The following DOC2A variants were observed in gnomAD, a reference collection of about 807,000 sequenced individuals.
DOC2A encodes double C2 domain alpha, also known as double C2-like domain-containing protein alpha.
A neutral mutation model predicts 40.6 loss-of-function variants in DOC2A; 28 were observed. That is an observed-to-expected ratio of 0.69 (90% CI 0.51 to 0.95). The LOEUF is 0.95. Ranked by LOEUF, DOC2A falls within the 40% of genes least tolerant of loss-of-function variation. The pLI, the probability that DOC2A is intolerant of heterozygous loss-of-function variation, is 0.00. For missense variants in DOC2A, 474 were observed against 552.5 expected (o/e 0.86, Z 1.42); for synonymous variants, 241 against 236.9 (o/e 1.02, Z -0.16).
chr16:30,014,453 G>A (rs1346295693), upstream of DOC2A, among the ~76,000 whole-genome samples: 2 of 147,128 alleles, frequency 1.4e-5, no homozygotes, highest in African/African-American at 5.0e-5. Flanking sequence ...GTCTAACACG[G>A]TGAAACCCCA....
chr16:30,022,373 T>C (rs1596718684), upstream of DOC2A, among the ~76,000 whole-genome samples: 2 of 150,336 alleles, frequency 1.3e-5, no homozygotes, highest in African/African-American at 4.9e-5. Context: ...GTAATAGGTG[T>C]TCAATAAATG....
At chr16:30,012,544 AT>A (rs541366656), upstream of DOC2A, 124 of 146,838 alleles carry the variant, frequency 8.4e-4, no homozygotes, top group Middle Eastern at 3.6e-3. Flanking sequence ...TTTCACGGCA[AT>A]TTTTTTTTTT....
upstream of DOC2A, chr16:30,011,408 G>C (rs1226081383): frequency 3.0e-6 from 3 of 985,112 alleles, no homozygotes; most frequent in Admixed American, 6.1e-5. Context: ...CAGAATCGCC[G>C]GGTGTTCCCC....
rs1394758350 is a variant in DOC2A, at chr16:30,009,520, G to A, written c.300C>T (p.Asp100=). ...LGTLEFDLLY[D]RASCTLHCSI... ...TACAGTGCAGAGTGCAGGAGGCCCG[G>A]TCGTAGAGAAGGTCAAACTCCAGCG... Residue 100 remains aspartate, a synonymous_variant, in exon 3 of 11, where the codon GAC becomes GAT. Transcript: ENST00000350119. This position sits in a 1 kb window ranked among gnomAD's most constrained non-coding sequence, Gnocchi z 4.1. 1 of 1,551,540 alleles carries A rather than the reference G, an allele frequency of 6.4e-7. No individual in the cohort carries two copies. The highest frequency in any genetic ancestry group is 1.4e-5 in the African/African-American group (1 of 73,156).
At chr16:30,011,354 A>T (rs1446965664), upstream of DOC2A, 8 of 983,944 alleles carry the variant, frequency 8.1e-6, no homozygotes, top group Non-Finnish European at 9.6e-6. Flanking sequence ...ACACACACGC[A>T]CTCGCAAACA....
At chr16:30,020,705 G>T (rs1373532810) in intron 1 of DOC2A, among the ~76,000 whole-genome samples, 1 of 152,100 alleles carries the variant, frequency 6.6e-6, no homozygotes, top group Non-Finnish European at 1.5e-5. Flanking sequence ...AAATTAGCCA[G>T]GCATGGTGGC....
At position 30,005,803 on chromosome 16, in the gene DOC2A, T is replaced by TC; in HGVS notation, c.*382dup. ...GGAGTGGCTCTGGGTTTGTTTTTTG[T>TC]CCTTTTTTTTTGAGACATTCTCCTC... On this transcript the variant is annotated 3_prime_UTR_variant, in exon 11 of 11. Transcript: ENST00000350119. 1 of 449,098 alleles carries TC rather than the reference T, an allele frequency of 2.2e-6. No homozygotes were observed. 27.8% of individuals were successfully genotyped at this position (449,098 alleles called of 1,614,324 possible). A position where few individuals can be genotyped will look rare whatever the true frequency, so the allele number is the denominator to read the frequency against.
At position 30,010,451 on chromosome 16, in the gene DOC2A, G is replaced by C. The variant is rs1411485872; in HGVS notation, c.-13-216C>G. 10 of 639,356 alleles carry C rather than the reference G, an allele frequency of 1.6e-5. No homozygotes were observed. Among genetic ancestry groups the C allele is most frequent in the Non-Finnish European group, 2.8e-5 (10 of 361,472 alleles). 39.6% of individuals were successfully genotyped at this position (639,356 alleles called of 1,614,324 possible). A position where few individuals can be genotyped will look rare whatever the true frequency, so the allele number is the denominator to read the frequency against. On this transcript the variant is annotated intron_variant, in intron 1 of 10. Transcript: ENST00000350119. This position sits in a 1 kb window ranked among gnomAD's most constrained non-coding sequence, Gnocchi z 4.2. ...GGGCTGGGCTGCCAACCCACTCCTT[G>C]CAGAAGTCGAGGTTGCACCACCCCG...
At position 30,006,623 on chromosome 16, in the gene DOC2A, C is replaced by T. The variant is rs1277078110; in HGVS notation, c.933G>A (p.Lys311=). 1.9e-6 allele frequency: 3 copies of T among 1,613,632 alleles called. No individual in the cohort carries two copies. Among genetic ancestry groups the T allele is most frequent in the African/African-American group, 2.7e-5 (2 of 74,776 alleles). The part of the protein sequence containing the change: ...KKSKHKTCVK[K]KTLNPEFNEE... ...CGTTAAATTCTGGGTTGAGAGTCTT[C>T]TTCTTCACACACGTCTTATGCTTGG... Residue 311 remains lysine (K), a synonymous_variant, in exon 9 of 11, where the codon AAG becomes AAA. Transcript: ENST00000350119. This position sits in a 1 kb window ranked among gnomAD's most constrained non-coding sequence, Gnocchi z 6.2.
chr16:30,009,024 C>T lies in DOC2A; in HGVS notation c.499G>A (p.Asp167Asn). The T allele has an allele frequency of 6.2e-7, 1 of 1,613,936 alleles. No individual in the cohort carries two copies. The highest frequency in any genetic ancestry group is 8.5e-7 in the Non-Finnish European group (1 of 1,179,976). Residue 167 changes from aspartate to asparagine, a missense_variant, in exon 5 of 11, where the codon GAT (aspartate) becomes AAT (asparagine). Transcript: ENST00000350119. The surrounding 1 kb of genome is among the most constrained non-coding windows in gnomAD (Gnocchi z 4.1). Reference sequence around the variant, plus strand: ...AGCACCTTGTGCGTGATGTCGTCATCTGTGATCCCGCTGTAAGTCAGGTCC... The same window carrying T: ...AGCACCTTGTGCGTGATGTCGTCATTTGTGATCCCGCTGTAAGTCAGGTCC... Reference protein sequence around the residue: ...NEDLTYSGITDDDITHKVLRI... With the variant: ...NEDLTYSGITNDDITHKVLRI...
upstream of DOC2A, chr16:30,013,474 G>A (rs911547803): frequency 6.7e-6 from 1 of 150,196 alleles, no homozygotes; most frequent in African/African-American, 2.4e-5. Context: ...CACCTTCTTA[G>A]CCAAGATGGT....
upstream of DOC2A, among the ~76,000 whole-genome samples, chr16:30,015,701 C>CTTTTTTTTT (rs71276819): frequency 8.1e-6 from 1 of 122,992 alleles, no homozygotes; most frequent in Non-Finnish European, 1.7e-5. Flanking sequence ...CTTCCTTTTT[C>CTTTTTTTTT]TTTTTTTTTT....
chr16:30,018,691 A>C (rs1444114301), intron 1 of DOC2A: 1 of 152,150 alleles, frequency 6.6e-6, no homozygotes, highest in Non-Finnish European at 1.5e-5. Flanking sequence ...GACATCTCGG[A>C]GTCTGGAGCT....
chr16:30,016,706 C>T (rs982280339), upstream of DOC2A, among the ~76,000 whole-genome samples: 1 of 152,204 alleles, frequency 6.6e-6, no homozygotes, highest in African/African-American at 2.4e-5. Context: ...GAGGCTTTTG[C>T]ACCAGTCACC....
chr16:30,022,684 C>T (rs184274295), upstream of DOC2A, among the ~76,000 whole-genome samples: 385 of 151,782 alleles, frequency 2.5e-3, no homozygotes, highest in Non-Finnish European at 4.2e-3. Flanking sequence ...TAAAATAGGC[C>T]GGGCGCTTTG....
intron 5 of DOC2A, chr16:30,008,596 C>T (rs896310143): frequency 3.6e-5 from 9 of 251,038 alleles, no homozygotes; most frequent in African/African-American, 8.9e-5. Context: ...CTCTGCCTCC[C>T]GGGTTCAAGT....
In DOC2A at chr16:30,006,059, G is replaced by A. The variant is rs898327933; in HGVS notation, c.*127C>T. 25 of 1,116,992 alleles carry A rather than the reference G, an allele frequency of 2.2e-5. No homozygotes were observed. The highest frequency in any genetic ancestry group is 2.2e-4 in the African/African-American group (14 of 63,664). 69.2% of individuals were successfully genotyped at this position (1,116,992 alleles called of 1,614,324 possible). On this transcript the variant is annotated 3_prime_UTR_variant, in exon 11 of 11. Coordinates refer to ENST00000350119, the MANE Select transcript of DOC2A (RefSeq NM_003586.3). This position sits in a 1 kb window ranked among gnomAD's most constrained non-coding sequence, Gnocchi z 6.2. ...TCATGAGCAGACAGACCCGGGTCAC[G>A]GAGACTCACAAAAATAGGTAGTGCA...
intron 5 of DOC2A, chr16:30,007,600 A>G: frequency 2.2e-6 from 1 of 457,444 alleles, no homozygotes; most frequent in Non-Finnish European, 4.1e-6. Context: ...ACCACGGTGG[A>G]TGTGGCCATA....
chr16:30,008,479 A>T (rs550706490), intron 5 of DOC2A: 72 of 165,658 alleles, frequency 4.3e-4, no homozygotes, highest in Middle Eastern at 3.2e-3. Context: ...AGTTGGAAGA[A>T]GGGAGTCCTC....
Sources: gnomAD v4.1 joint callset for allele counts (sites outside exome capture counted in the v4.1 genomes callset) on GRCh38, gnomAD v4.1.1 for gene constraint, Gnocchi (gnomAD v3.1) non-coding constraint, MANE v1.5 for transcripts, NCBI Gene and HGNC (gene_info 2026-07-23, HGNC 2026-07-21) for gene names.